The following CARHSP1 variants were observed in gnomAD, a reference collection of about 807,000 sequenced individuals.
CARHSP1 encodes calcium regulated heat stable protein 1.
A neutral mutation model predicts 12.5 loss-of-function variants in CARHSP1; 14 were observed. The ratio of observed to expected loss-of-function variants is 1.12; its 90% confidence interval spans 0.74 to 1.75. CARHSP1 has a LOEUF of 1.75. CARHSP1 is among the 40% of genes most tolerant of loss of function. The pLI, the probability that CARHSP1 is intolerant of heterozygous loss-of-function variation, is 0.00. For missense variants in CARHSP1, 343 were observed against 201.6 expected (o/e 1.70, Z -4.25); for synonymous variants, 161 against 82.0 (o/e 1.96, Z -5.20).
At chr16:8,858,189 C>T in intron 3 of CARHSP1, 161 bp downstream of exon 3, 1 of 839,292 alleles carries the variant, frequency 1.2e-6, no homozygotes, top group East Asian at 2.7e-5. Context: ...CCAACACACA[C>T]ACAGGAGCAC....
chr16:8,858,158 G>A (rs570305553), intron 3 of CARHSP1, 192 bp downstream of exon 3: 20 of 647,626 alleles, frequency 3.1e-5, no homozygotes, highest in African/African-American at 1.6e-4. Flanking sequence ...ACACAGCTCC[G>A]TAGAGTCTCA....
intron 1 of CARHSP1, chr16:8,866,398 ACT>A: frequency 2.0e-6 from 2 of 978,884 alleles, no homozygotes; most frequent in Non-Finnish European, 2.4e-6. Context: ...TCGGGGTGAG[ACT>A]CTAGCAGAGT....
At chr16:8,861,696 G>A in intron 1 of CARHSP1, 1 of 1,288,960 alleles carries the variant, frequency 7.8e-7, no homozygotes, top group Non-Finnish European at 1.0e-6. Flanking sequence ...TACAGCCGCG[G>A]CCAAGGAGGA....
chr16:8,858,015 G>C (rs548450315), intron 3 of CARHSP1: 2 of 242,794 alleles, frequency 8.2e-6, no homozygotes, highest in East Asian at 2.0e-4. Flanking sequence ...CACCCACCTC[G>C]GCCTCCCAAA....
chr16:8,856,850 G>A (rs994060712), intron 3 of CARHSP1, among the ~76,000 whole-genome samples: 3 of 152,248 alleles, frequency 2.0e-5, no homozygotes, highest in Middle Eastern at 3.4e-3. Flanking sequence ...GGTGAAGCAT[G>A]GGGGGCTGGG....
intron 3 of CARHSP1, chr16:8,858,093 GAC>G (rs1183572936): frequency 9.8e-6 from 5 of 510,936 alleles, no homozygotes; most frequent in African/African-American, 9.6e-5. Context: ...CATTCACAAA[GAC>G]ACACCCAGGG....
intron 3 of CARHSP1, chr16:8,858,086 TCA>T: frequency 8.2e-6 from 4 of 489,888 alleles, no homozygotes; most frequent in Non-Finnish European, 1.5e-5. Flanking sequence ...ACACACCCAT[TCA>T]CAAAGACACA....
intron 3 of CARHSP1, among the ~76,000 whole-genome samples, chr16:8,855,725 G>C (rs2061080513): frequency 6.6e-6 from 1 of 152,218 alleles, no homozygotes; most frequent in Non-Finnish European, 1.5e-5. Context: ...TTGAGGGGTG[G>C]CCTGGGCAGG....
At chr16:8,857,252 T>C (rs1037880533) in intron 3 of CARHSP1, among the ~76,000 whole-genome samples, 5 of 145,660 alleles carry the variant, frequency 3.4e-5, no homozygotes, top group Non-Finnish European at 7.5e-5. Context: ...TATGTGATCT[T>C]GGGCAGATCT....
intron 1 of CARHSP1, among the ~76,000 whole-genome samples, chr16:8,865,934 T>C (rs906605222): frequency 6.6e-6 from 1 of 152,052 alleles, no homozygotes; most frequent in Non-Finnish European, 1.5e-5. Context: ...AGGTGTGGGG[T>C]GGGGCCTGAG....
intron 2 of CARHSP1, 151 bp downstream of exon 2, chr16:8,859,020 A>G (rs1311664809): frequency 1.6e-6 from 1 of 640,416 alleles, no homozygotes; most frequent in Non-Finnish European, 2.5e-6. Flanking sequence ...GCGCCTTCCT[A>G]GTTTCTCACC....
intron 1 of CARHSP1, among the ~76,000 whole-genome samples, chr16:8,861,986 TGAC>T (rs967059555): frequency 7.6e-6 from 1 of 131,566 alleles, no homozygotes; most frequent in Non-Finnish European, 1.6e-5. Context: ...CAAGCATAGC[TGAC>T]TTTTTTTTTT....
chr16:8,853,646 C>T lies in CARHSP1; in HGVS notation c.*1518G>A, dbSNP rs1261657813. The T allele has an allele frequency of 3.3e-5, 5 of 152,306 alleles. No homozygotes were observed. 9.4% of individuals were successfully genotyped at this position (152,306 alleles called of 1,614,324 possible). On this transcript the variant is annotated 3_prime_UTR_variant, in exon 4 of 4. Transcript: ENST00000311052. ...AGCCAGTTTCCAAAAGGTTTGCTTG[C>T]CTCTGTTCAGTGGATTCTTGACTAC...
chr16:8,859,092 T>C (rs1302069476), intron 2 of CARHSP1, 79 bp downstream of exon 2: 6 of 1,378,750 alleles, frequency 4.4e-6, no homozygotes, highest in East Asian at 2.5e-5. Flanking sequence ...GGCCCAAAAA[T>C]GGCCAGAGAC....
chr16:8,864,957 A>C (rs941983856), intron 1 of CARHSP1, among the ~76,000 whole-genome samples: 3 of 151,930 alleles, frequency 2.0e-5, no homozygotes, highest in Non-Finnish European at 4.4e-5. Context: ...AGCCCCCATT[A>C]CCCACTCCCC....
intron 1 of CARHSP1, among the ~76,000 whole-genome samples, chr16:8,862,446 G>T (rs545039293): frequency 8.5e-5 from 13 of 152,244 alleles, no homozygotes; most frequent in Admixed American, 3.3e-4. Context: ...ACCGAGCCCT[G>T]TTCAAGGCCC....
chr16:8,859,041 G>A (rs559459403), intron 2 of CARHSP1, 130 bp downstream of exon 2: 50 of 823,474 alleles, frequency 6.1e-5, no homozygotes, highest in Admixed American at 9.3e-5. Flanking sequence ...CTCAGCCCAC[G>A]GCCCAGCCCC....
chr16:8,853,864 T>C lies in CARHSP1; in HGVS notation c.*1300A>G, dbSNP rs993668981. ...ACTTTGAGAGGCCGAGATGGGCAGATCATCTGAGGTCAGGGGTTCAAGACC... is the reference window on the plus strand; with the variant it reads ...ACTTTGAGAGGCCGAGATGGGCAGACCATCTGAGGTCAGGGGTTCAAGACC... On this transcript the variant is annotated 3_prime_UTR_variant, in exon 4 of 4. Transcript: ENST00000311052. 30 of 152,180 alleles carry C rather than the reference T, an allele frequency of 2.0e-4. No individual in the cohort carries two copies. The highest frequency in any genetic ancestry group is 6.5e-4 in the African/African-American group (27 of 41,428). 9.4% of individuals were successfully genotyped at this position (152,180 alleles called of 1,614,324 possible). A position where few individuals can be genotyped will look rare whatever the true frequency, so the allele number is the denominator to read the frequency against.
intron 1 of CARHSP1, among the ~76,000 whole-genome samples, chr16:8,859,559 G>A (rs1177206974): frequency 1.3e-5 from 2 of 151,886 alleles, no homozygotes; most frequent in South Asian, 2.1e-4. Flanking sequence ...TCATGAAAAT[G>A]CCACATCCTC....
Sources: gnomAD v4.1 joint callset for allele counts (sites outside exome capture counted in the v4.1 genomes callset) on GRCh38, gnomAD v4.1.1 for gene constraint, MANE v1.5 for transcripts, NCBI Gene and HGNC (gene_info 2026-07-23, HGNC 2026-07-21) for gene names.